PLPPR4: variants seen among roughly 807,000 people sequenced by gnomAD.
The protein encoded by PLPPR4 is phospholipid phosphatase-related protein type 4.
Under a neutral mutation model 56.6 loss-of-function variants are expected in PLPPR4, and 24 were observed. That is an observed-to-expected ratio of 0.42 (90% CI 0.31 to 0.60). PLPPR4 has a LOEUF of 0.60. PLPPR4 is among the 20% of genes least tolerant of loss of function. PLPPR4 has a pLI of 0.13. For synonymous variants in PLPPR4, 326 were observed against 328.1 expected (o/e 0.99, Z 0.07); for missense variants, 654 against 885.8 (o/e 0.74, Z 3.32).
At chr1:99,281,338 A>G (rs1169418952) in intron 1 of PLPPR4, among the ~76,000 whole-genome samples, 1 of 152,178 alleles carries the variant, frequency 6.6e-6, no homozygotes, top group African/African-American at 2.4e-5. Flanking sequence ...CATACAAGCC[A>G]CATCTGTTTT....
chr1:99,292,726 T>C (rs1220360820), intron 2 of PLPPR4, among the ~76,000 whole-genome samples: 1 of 151,794 alleles, frequency 6.6e-6, no homozygotes, highest in Non-Finnish European at 1.5e-5. Flanking sequence ...TCAAACACTT[T>C]GTCACAGCTT....
At chr1:99,283,018 T>G (rs1659370246) in intron 1 of PLPPR4, among the ~76,000 whole-genome samples, 2 of 148,766 alleles carry the variant, frequency 1.3e-5, no homozygotes, top group African/African-American at 4.9e-5. Flanking sequence ...GAAATATATA[T>G]TGTTTACCTG....
intron 1 of PLPPR4, among the ~76,000 whole-genome samples, chr1:99,265,093 G>A (rs1390512048): frequency 6.6e-6 from 1 of 152,014 alleles, no homozygotes; most frequent in East Asian, 1.9e-4. Flanking sequence ...GCATATGAGG[G>A]TTGAAGGTGT....
rs1299556633 is a variant in PLPPR4 at position 99,308,469 on chromosome 1, G to A, written c.*1459G>A. On this transcript the variant is annotated 3_prime_UTR_variant, in exon 7 of 7. Transcript: ENST00000370185. ...ATTTTGGAGTGTTTTCCAACTTAAAGTATGAAGACATACTCAGTTCTTGGA... is the reference window on the plus strand; with the variant it reads ...ATTTTGGAGTGTTTTCCAACTTAAAATATGAAGACATACTCAGTTCTTGGA... The A allele has an allele frequency of 1.3e-5, 2 of 152,550 alleles. No individual in the cohort carries two copies. The highest frequency in any genetic ancestry group is 1.3e-4 in the Admixed American group (2 of 15,262). 9.4% of individuals were successfully genotyped at this position (152,550 alleles called of 1,614,324 possible). A position where few individuals can be genotyped will look rare whatever the true frequency, so the allele number is the denominator to read the frequency against.
At position 99,309,345 on chromosome 1, in the gene PLPPR4, TACTGATAAA is replaced by T. The variant is rs1282634671; in HGVS notation, c.*2338_*2346del. The stretch of plus-strand genomic sequence containing the variant: ...CTTCTTCCTTTGTTAGGCTGTGCTT[TACTGATAAA>T]ACCAAGTATTGAATAAAGAGAGTTA... On this transcript the variant is annotated 3_prime_UTR_variant, in exon 7 of 7. Transcript: ENST00000370185. 1 of 152,444 alleles carries T rather than the reference TACTGATAAA, an allele frequency of 6.6e-6. No homozygotes were observed. Among genetic ancestry groups the T allele is most frequent in the East Asian group, 1.9e-4 (1 of 5,202 alleles). The allele number at this position is 152,444 out of a possible 1,614,324, so 9.4% of individuals were successfully genotyped here.
intron 1 of PLPPR4, among the ~76,000 whole-genome samples, chr1:99,287,045 C>T (rs1186191843): frequency 6.6e-6 from 1 of 152,146 alleles, no homozygotes; most frequent in African/African-American, 2.4e-5. Context: ...CCTCAACCCT[C>T]AACCCCCAAC....
chr1:99,283,233 ACT>A (rs758978451), intron 1 of PLPPR4, among the ~76,000 whole-genome samples: 30 of 152,146 alleles, frequency 2.0e-4, no homozygotes, highest in Non-Finnish European at 4.1e-4. Flanking sequence ...ATGTTATAGG[ACT>A]CTGAATTCAC....
chr1:99,307,936 A>G lies in PLPPR4; in HGVS notation c.*926A>G, dbSNP rs1660077976. ...TTTGAAGTTATAGATATGTTCTCCT[A>G]TTTTAAAAGCAAAAATAACAATTGA... On this transcript the variant is annotated 3_prime_UTR_variant, in exon 7 of 7. Coordinates refer to ENST00000370185, the MANE Select transcript of PLPPR4 (RefSeq NM_014839.5). 1 of 152,156 alleles carries G rather than the reference A, an allele frequency of 6.6e-6. No homozygotes were observed. The highest frequency in any genetic ancestry group is 6.5e-5 in the Admixed American group (1 of 15,270). The allele number at this position is 152,156 out of a possible 1,614,324, so 9.4% of individuals were successfully genotyped here.
chr1:99,306,692 C>G lies in PLPPR4; in HGVS notation c.1830C>G (p.Arg610=), dbSNP rs1660039881. ...KWKAPEKGSL[R]QTYELNDLNR... is the part of the protein sequence containing the mutation. The stretch of plus-strand genomic sequence containing the variant: ...AAGCCCCTGAAAAGGGCAGCCTTCG[C>G]CAAACTTACGAGCTCAACGATCTCA... The change falls in exon 7 of 7, where the codon CGC becomes CGG. Residue 610 remains arginine, a synonymous_variant. Coordinates refer to ENST00000370185, the MANE Select transcript of PLPPR4 (RefSeq NM_014839.5). This position sits in a 1 kb window ranked among gnomAD's most constrained non-coding sequence, Gnocchi z 4.0. The G allele has an allele frequency of 6.2e-7, 1 of 1,614,068 alleles. No homozygotes were observed.
At chr1:99,296,430 C>T (rs1659744732) in intron 2 of PLPPR4, among the ~76,000 whole-genome samples, 1 of 152,168 alleles carries the variant, frequency 6.6e-6, no homozygotes, top group Admixed American at 6.5e-5. Context: ...CACTCACATA[C>T]TTTCCATGGA....
At chr1:99,292,072 C>T (rs142531323) in intron 2 of PLPPR4, among the ~76,000 whole-genome samples, 51 of 152,214 alleles carry the variant, frequency 3.4e-4, no homozygotes, top group African/African-American at 1.2e-3. Flanking sequence ...AGATAAATTA[C>T]TTAACATACT....
intron 4 of PLPPR4, 131 bp from the exon 5 acceptor site, chr1:99,300,778 C>T: frequency 1.5e-6 from 1 of 688,658 alleles, no homozygotes; most frequent in Non-Finnish European, 2.6e-6. Context: ...GAAAGCTGGA[C>T]AGAAGGTAAA....
chr1:99,268,282 G>A (rs1350487784), intron 1 of PLPPR4, among the ~76,000 whole-genome samples: 1 of 152,220 alleles, frequency 6.6e-6, no homozygotes, highest in Admixed American at 6.5e-5. Context: ...CAAGCACAAA[G>A]AGTTGGAGGA....
At chr1:99,303,441 T>C (rs1659937535) in intron 6 of PLPPR4, among the ~76,000 whole-genome samples, 1 of 152,072 alleles carries the variant, frequency 6.6e-6, no homozygotes, top group South Asian at 2.1e-4. Context: ...TGGAGAAGGA[T>C]ATTTAATGGA....
chr1:99,268,333 G>T (rs1406098696), intron 1 of PLPPR4, among the ~76,000 whole-genome samples: 2 of 152,204 alleles, frequency 1.3e-5, no homozygotes, highest in African/African-American at 4.8e-5. Flanking sequence ...TTAGTGGCTA[G>T]TGCCCCTCAA....
intron 1 of PLPPR4, among the ~76,000 whole-genome samples, chr1:99,281,380 T>C (rs1340451932): frequency 6.6e-6 from 1 of 152,168 alleles, no homozygotes; most frequent in Non-Finnish European, 1.5e-5. Context: ...TTTCTAGACC[T>C]TAAGTAATGT....
chr1:99,263,483 G>T (rs1294103619), upstream of PLPPR4, among the ~76,000 whole-genome samples: 1 of 152,120 alleles, frequency 6.6e-6, no homozygotes, highest in Non-Finnish European at 1.5e-5. Context: ...GTTGGGAATT[G>T]GCCATCACAT....
intron 1 of PLPPR4, among the ~76,000 whole-genome samples, chr1:99,281,447 G>GT (rs1659322703): frequency 6.6e-6 from 1 of 152,148 alleles, no homozygotes; most frequent in South Asian, 2.1e-4. Context: ...GTTAGTCTGT[G>GT]TTTATAATCT....
intron 2 of PLPPR4, among the ~76,000 whole-genome samples, chr1:99,292,805 C>T (rs1274440808): frequency 6.6e-6 from 1 of 152,028 alleles, no homozygotes; most frequent in Non-Finnish European, 1.5e-5. Flanking sequence ...GTTTTGAAGG[C>T]CTTCTCCCCA....
Sources: allele counts gnomAD v4.1 joint callset (sites outside exome capture counted in the v4.1 genomes callset), GRCh38; gene constraint gnomAD v4.1.1; non-coding constraint Gnocchi (gnomAD v3.1); transcripts MANE v1.5; gene names NCBI Gene and HGNC (gene_info 2026-07-23, HGNC 2026-07-21).